SUCO: variants seen among roughly 807,000 people sequenced by gnomAD.
SUCO encodes SUN domain containing ossification factor.
In SUCO, 57 loss-of-function variants were observed where a neutral mutation model predicts 148.1. The observed-to-expected ratio is 0.38, with a 90% CI of 0.31 to 0.48. The LOEUF is 0.48. Among genes scored for constraint, SUCO ranks in the 20% least tolerant of loss-of-function variants. SUCO has a pLI of 0.96. For missense variants in SUCO, 1,331 were observed against 1,468.2 expected (o/e 0.91, Z 1.53); for synonymous variants, 470 against 502.7 (o/e 0.93, Z 0.87).
At chr1:172,577,694 C>CT in intron 12 of SUCO, 70 bp from the exon 13 acceptor site, 1 of 1,574,060 alleles carries the variant, frequency 6.4e-7, no homozygotes, top group Non-Finnish European at 8.7e-7. Context: ...AATGAAAAAA[C>CT]TGAGTATATT....
At chr1:172,532,723 G>A, upstream of SUCO, 1 of 1,613,950 alleles carries the variant, frequency 6.2e-7, no homozygotes, top group East Asian at 2.2e-5. Flanking sequence ...GACTGGGAAA[G>A]AGAAAAACGA....
At chr1:172,586,935 T>C (rs928581147) in intron 17 of SUCO, among the ~76,000 whole-genome samples, 5 of 152,126 alleles carry the variant, frequency 3.3e-5, no homozygotes, top group African/African-American at 1.2e-4. Flanking sequence ...AAGAAATCTA[T>C]TGGGGATAGA....
chr1:172,554,160 T>C (rs1279765703), intron 3 of SUCO, among the ~76,000 whole-genome samples: 1 of 152,236 alleles, frequency 6.6e-6, no homozygotes, highest in African/African-American at 2.4e-5. Flanking sequence ...TACTGAGTTA[T>C]CTAAAGCAAT....
intron 11 of SUCO, chr1:172,576,867 G>A (rs1655482661): frequency 1.2e-6 from 1 of 810,088 alleles, no homozygotes; most frequent in Non-Finnish European, 1.5e-6. Context: ...TCATTTTATG[G>A]TAATAATGTT....
chr1:172,604,307 C>G (rs1426709931), intron 22 of SUCO, among the ~76,000 whole-genome samples: 1 of 151,818 alleles, frequency 6.6e-6, no homozygotes, highest in East Asian at 1.9e-4. Context: ...ACAGTGTCAT[C>G]TTGGTGTATC....
chr1:172,555,793 C>T (rs1003641563), intron 3 of SUCO, 76 bp from the exon 4 acceptor site: 19 of 1,158,764 alleles, frequency 1.6e-5, no homozygotes, highest in Non-Finnish European at 2.1e-5. Context: ...AAATGCTTTC[C>T]ATAAATGCCC....
At chr1:172,551,855 A>G (rs1392764775) in intron 2 of SUCO, 2 of 379,016 alleles carry the variant, frequency 5.3e-6, no homozygotes, top group Non-Finnish European at 9.6e-6. Context: ...TTAGTCCTGT[A>G]GTATAGGGTA....
At chr1:172,564,432 G>A (rs575896460) in intron 6 of SUCO, among the ~76,000 whole-genome samples, 13 of 152,278 alleles carry the variant, frequency 8.5e-5, no homozygotes, top group Admixed American at 2.0e-4. Context: ...GAGTTCTTGC[G>A]TGATCTGGTT....
intron 17 of SUCO, chr1:172,588,060 T>A (rs1041551122): frequency 1.0e-6 from 1 of 982,546 alleles, no homozygotes; most frequent in South Asian, 4.7e-5. Context: ...GAATTGTTAT[T>A]AAAGTGGTTA....
chr1:172,560,732 G>A (rs561194391), intron 6 of SUCO, among the ~76,000 whole-genome samples: 43 of 152,262 alleles, frequency 2.8e-4, no homozygotes, highest in African/African-American at 1.0e-3. Flanking sequence ...GATACATAAG[G>A]GAAAGCTACT....
At chr1:172,565,542 T>G (rs932267773) in intron 6 of SUCO, among the ~76,000 whole-genome samples, 2 of 152,080 alleles carry the variant, frequency 1.3e-5, no homozygotes, top group Non-Finnish European at 2.9e-5. Flanking sequence ...TGCCTGCATT[T>G]CAGCCAACGA....
chr1:172,569,025 G>A lies in SUCO; in HGVS notation c.739G>A (p.Asp247Asn). The change falls in exon 7 of 24, where the codon GAT becomes AAT. Residue 247 changes from aspartate (D) to asparagine (N), a missense_variant. This residue lies in a region of SUCO where 992 missense variants were observed against 1,093.5 expected (regional missense o/e 0.91). Coordinates refer to ENST00000263688, the MANE Select transcript of SUCO (RefSeq NM_014283.5). ...TTTTTGGTGTTTCTTTCAGAGCTCTGATTATACAAAACCAGGAGACATTGA... is the reference window on the plus strand; with the variant it reads ...TTTTTGGTGTTTCTTTCAGAGCTCTAATTATACAAAACCAGGAGACATTGA... ...ASDNLKNESSDYTKPGDIDPT... is the reference protein window; with the variant it reads ...ASDNLKNESSNYTKPGDIDPT... 6.3e-7 allele frequency: 1 copy of A among 1,575,680 alleles called. No individual in the cohort carries two copies. The highest frequency in any genetic ancestry group is 1.2e-5 in the South Asian group (1 of 81,548).
intron 2 of SUCO, chr1:172,552,661 T>C: frequency 1.0e-6 from 1 of 974,060 alleles, no homozygotes; most frequent in Non-Finnish European, 1.2e-6. Flanking sequence ...CAAAAAAAAC[T>C]ATAATTTTAT....
chr1:172,608,046 T>G, intron 22 of SUCO: 1 of 981,880 alleles, frequency 1.0e-6, no homozygotes, highest in Non-Finnish European at 1.2e-6. Context: ...ATTTTGTCAG[T>G]GTGGGGGTGG....
At chr1:172,542,720 G>A in intron 1 of SUCO, 1 of 985,372 alleles carries the variant, frequency 1.0e-6, no homozygotes. Flanking sequence ...GGGGACCGCT[G>A]TCATAGAGGG....
At chr1:172,586,487 T>C (rs748643586) in intron 17 of SUCO, among the ~76,000 whole-genome samples, 19 of 152,178 alleles carry the variant, frequency 1.2e-4, no homozygotes, top group Non-Finnish European at 2.1e-4. Context: ...GTAATAGATA[T>C]ATCTTTTACC....
intron 4 of SUCO, chr1:172,556,832 A>T: frequency 1.2e-6 from 1 of 830,472 alleles, no homozygotes; most frequent in Non-Finnish European, 1.5e-6. Flanking sequence ...TACTCCCATT[A>T]TATTAAAAAT....
At chr1:172,592,484 T>A (rs959327860) in intron 19 of SUCO, among the ~76,000 whole-genome samples, 2 of 152,214 alleles carry the variant, frequency 1.3e-5, no homozygotes, top group African/African-American at 2.4e-5. Context: ...CAGTTTCAGC[T>A]TTCTACATAT....
In SUCO at chr1:172,570,712, C is replaced by G; in HGVS notation, c.1031C>G (p.Pro344Arg). Residue 344 changes from proline to arginine, a missense_variant, in exon 9 of 24, where the codon CCT becomes CGT. Coordinates refer to ENST00000263688, the MANE Select transcript of SUCO (RefSeq NM_014283.5). ...AATATGGATCTTTACATGTTGAATC[C>G]TTGCAGCACTAAAATTTGGTGAGTT... The part of the protein sequence containing the change: ...IENMDLYMLN[P>R]CSTKIWFVIE... The G allele has an allele frequency of 6.2e-7, 1 of 1,606,302 alleles. No individual in the cohort carries two copies.
Sources: allele counts gnomAD v4.1 joint callset (sites outside exome capture counted in the v4.1 genomes callset), GRCh38; gene constraint gnomAD v4.1.1; regional missense constraint gnomAD v4.1.1; transcripts MANE v1.5; gene names NCBI Gene and HGNC (gene_info 2026-07-23, HGNC 2026-07-21).